Variants in ATP2B1 observed in about 807,000 individuals in gnomAD.
ATP2B1 encodes the protein plasma membrane calcium-transporting ATPase 1.
Under a neutral mutation model 124.2 loss-of-function variants are expected in ATP2B1, and 14 were observed. The ratio of observed to expected loss-of-function variants is 0.11; its 90% CI spans 0.07 to 0.18. The LOEUF (loss-of-function observed/expected upper bound fraction) is 0.18. Ranked by LOEUF, ATP2B1 falls within the 10% of genes least tolerant of loss-of-function variation. The probability of loss-of-function intolerance (pLI) is 1.00; values close to 1 mark genes in which losing one functional copy is unlikely to be tolerated. For missense variants in ATP2B1, 763 were observed against 1,466.1 expected, an observed-to-expected ratio of 0.52 and a Z score of 7.83; for synonymous variants, 449 against 492.4, an observed-to-expected ratio of 0.91 and a Z score of 1.17.
chr12:89,689,384 C>T (rs181018271), intron 1 of ATP2B1, among the ~76,000 whole-genome samples: 4 of 152,156 alleles, frequency 2.6e-5, no homozygotes, highest in African/African-American at 7.2e-5. Context: ...CAGGTAAACA[C>T]GAAATAAAAT....
chr12:89,692,255 G>A (rs1233734745), intron 1 of ATP2B1, among the ~76,000 whole-genome samples: 1 of 152,038 alleles, frequency 6.6e-6, no homozygotes, highest in African/African-American at 2.4e-5. Flanking sequence ...TAAAACTCAG[G>A]CTAAGACTCA....
intron 2 of ATP2B1, among the ~76,000 whole-genome samples, chr12:89,647,591 C>G (rs772291316): frequency 2.6e-5 from 4 of 152,102 alleles, no homozygotes; most frequent in African/African-American, 9.7e-5. Context: ...ATACTACAGT[C>G]TTATCAAATT....
At position 89,630,773 on chromosome 12, in the gene ATP2B1, A is replaced by ATATATAAATATATATAT. The variant is rs1555199722; in HGVS notation, c.788-145_788-129dup. 321 of 102,736 alleles carry ATATATAAATATATATAT rather than the reference A, an allele frequency of 3.1e-3. 2 individuals carry two copies. The African/African-American group carries it at 0.083, about 27-fold the overall frequency. The allele number at this position is 102,736 out of a possible 1,614,324, so 6.4% of individuals were successfully genotyped here. A position where few individuals can be genotyped will look rare whatever the true frequency, so the allele number is the denominator to read the frequency against. On this transcript the variant is annotated intron_variant, in intron 5 of 20. Coordinates refer to ENST00000428670, the MANE Select transcript of ATP2B1 (RefSeq NM_001366521.1). ...TAGGAAAAAATATATATAAATATAAATATATAAATATATATATATATTTTT... is the reference window on the plus strand; with the variant it reads ...TAGGAAAAAATATATATAAATATAAATATATAAATATATATATTATATAAATATATATATATATTTTT...
At chr12:89,659,426 G>T (rs979359095) in intron 1 of ATP2B1, among the ~76,000 whole-genome samples, 1 of 151,852 alleles carries the variant, frequency 6.6e-6, no homozygotes, top group Non-Finnish European at 1.5e-5. Flanking sequence ...GGCAAAAAAG[G>T]TTACAGTATT....
chr12:89,699,691 A>T (rs1357076087), intron 1 of ATP2B1, among the ~76,000 whole-genome samples: 1 of 152,232 alleles, frequency 6.6e-6, no homozygotes, highest in Middle Eastern at 3.2e-3. Context: ...TTAACATATC[A>T]TGGAGTAAAA....
At chr12:89,681,890 A>G (rs1265784525) in intron 1 of ATP2B1, among the ~76,000 whole-genome samples, 1 of 152,186 alleles carries the variant, frequency 6.6e-6, no homozygotes, top group East Asian at 1.9e-4. Context: ...ACTATTTAAC[A>G]TCATTCTAAA....
At chr12:89,635,751 G>T (rs1409367898) in intron 3 of ATP2B1, among the ~76,000 whole-genome samples, 1 of 152,134 alleles carries the variant, frequency 6.6e-6, no homozygotes, top group African/African-American at 2.4e-5. Context: ...CATGAATCAT[G>T]CTTATTTACT....
Position 89,598,039 on chromosome 12 carries a change from C to CAAAAAAAAA in ATP2B1, c.3351+1069_3351+1077dup, listed in dbSNP as rs10661138. 5.6e-3 allele frequency among the ~76,000 whole-genome samples: 339 copies of CAAAAAAAAA among 60,420 alleles called. 6 individuals carry two copies. Among genetic ancestry groups the CAAAAAAAAA allele is most frequent in the East Asian group, 0.012 (19 of 1,630 alleles). 39.6% of individuals were successfully genotyped at this position (60,420 alleles called of 152,430 possible). On this transcript the variant is annotated intron_variant, in intron 20 of 20. Transcript: ENST00000428670. ...CCCCTGAAACCACTGCACAACCAAG[C>CAAAAAAAAA]AAAAAAAAAAAAAAAAAAAAAAAAT...
chr12:89,693,523 T>G (rs769210426), intron 1 of ATP2B1, among the ~76,000 whole-genome samples: 1 of 152,192 alleles, frequency 6.6e-6, no homozygotes, highest in African/African-American at 2.4e-5. Context: ...ACATTCCAGA[T>G]AGGAAGAGCA....
In ATP2B1 at chr12:89,619,378, G is replaced by A. The variant is rs550109845; in HGVS notation, c.1829+621C>T. On this transcript the variant is annotated intron_variant, in intron 11 of 20. Coordinates refer to ENST00000428670, the MANE Select transcript of ATP2B1 (RefSeq NM_001366521.1). The stretch of plus-strand genomic sequence containing the variant: ...TGTAATCCCAGCACTTTGGGAGGCC[G>A]ACACAGGCAGATTACTTGAGGTCAG... Among the ~76,000 whole-genome samples, 31 of 152,194 alleles carry A rather than the reference G, an allele frequency of 2.0e-4. No homozygotes were observed. The East Asian group carries it at 2.3e-3, about 11-fold the overall frequency.
chr12:89,686,344 C>T (rs1889968074), intron 1 of ATP2B1, among the ~76,000 whole-genome samples: 2 of 152,080 alleles, frequency 1.3e-5, no homozygotes, highest in South Asian at 4.1e-4. Context: ...TTGATTTACT[C>T]TTTACCCTAA....
chr12:89,642,366 G>C lies in ATP2B1; in HGVS notation c.209-11C>G, dbSNP rs772233966. 6.3e-7 allele frequency: 1 copy of C among 1,593,540 alleles called. No individual in the cohort carries two copies. Among genetic ancestry groups the C allele is most frequent in the South Asian group, 1.1e-5 (1 of 87,308 alleles). On this transcript the variant is annotated splice_polypyrimidine_tract_variant and intron_variant, in intron 2 of 20. Transcript: ENST00000428670. ...GGTTTCCACTTAAACCTAATAAAAA[G>C]AAACAAATTTCAGTGAACAGTTTTA...
At chr12:89,686,425 T>C (rs1357947255) in intron 1 of ATP2B1, among the ~76,000 whole-genome samples, 3 of 152,146 alleles carry the variant, frequency 2.0e-5, no homozygotes, top group Non-Finnish European at 4.4e-5. Context: ...CAGATACTGA[T>C]ATGCTTTTGC....
chr12:89,657,288 T>C (rs1208487603), intron 1 of ATP2B1, among the ~76,000 whole-genome samples: 1 of 152,226 alleles, frequency 6.6e-6, no homozygotes, highest in Non-Finnish European at 1.5e-5. Context: ...ATGCAAATTA[T>C]AATCATTAAC....
chr12:89,683,631 A>C (rs569943131), intron 1 of ATP2B1, among the ~76,000 whole-genome samples: 1 of 152,260 alleles, frequency 6.6e-6, no homozygotes, highest in South Asian at 2.1e-4. Context: ...TTTCCCATGA[A>C]AGTTCCAGAC....
intron 1 of ATP2B1, among the ~76,000 whole-genome samples, chr12:89,705,671 T>C (rs1309648530): frequency 6.6e-6 from 1 of 152,174 alleles, no homozygotes; most frequent in Non-Finnish European, 1.5e-5. Context: ...TATGAAAGTA[T>C]ATATAACAAC....
At chr12:89,702,927 A>G (rs1035523897) in intron 1 of ATP2B1, among the ~76,000 whole-genome samples, 2 of 152,212 alleles carry the variant, frequency 1.3e-5, no homozygotes, top group African/African-American at 4.8e-5. Context: ...GCTTTTAAAA[A>G]TATGGCAAAA....
Position 89,603,955 on chromosome 12 carries a change from T to TCA in ATP2B1, c.2635-32_2635-31dup, listed in dbSNP as rs775991675. 6.2e-7 allele frequency: 1 copy of TCA among 1,600,086 alleles called. No homozygotes were observed. The highest frequency in any genetic ancestry group is 2.2e-5 in the East Asian group (1 of 44,512). ...AAAAGATATGTTTCCTAATAGACAT[T>TCA]CACAACTACTCAGGGGCTCAGCAAT... On this transcript the variant is annotated intron_variant, in intron 16 of 20. Transcript: ENST00000428670. The surrounding 1 kb of genome is among the most constrained non-coding windows in gnomAD (Gnocchi z 4.3).
chr12:89,672,004 C>G (rs1010367312), intron 1 of ATP2B1, among the ~76,000 whole-genome samples: 1 of 152,060 alleles, frequency 6.6e-6, no homozygotes, highest in African/African-American at 2.4e-5. Flanking sequence ...GAGGAGATAC[C>G]TCAGTATCAT....
Sources: allele counts gnomAD v4.1 joint callset (sites outside exome capture counted in the v4.1 genomes callset), GRCh38; gene constraint gnomAD v4.1.1; non-coding constraint Gnocchi (gnomAD v3.1); transcripts MANE v1.5; gene names NCBI Gene and HGNC (gene_info 2026-07-23, HGNC 2026-07-21).